Variants in PTK7 observed in about 807,000 individuals in gnomAD.
The protein encoded by PTK7 is inactive tyrosine-protein kinase 7.
Under a neutral mutation model 116.6 loss-of-function variants are expected in PTK7, and 39 were observed. That is an observed-to-expected ratio of 0.33 (90% CI 0.26 to 0.44). The LOEUF is 0.44. Ranked by LOEUF, PTK7 falls within the 20% of genes least tolerant of loss-of-function variation. PTK7 has a pLI of 1.00. For synonymous variants in PTK7, 546 were observed against 563.6 expected, an observed-to-expected ratio of 0.97 and a Z score of 0.44; for missense variants, 1,169 against 1,425.6, an observed-to-expected ratio of 0.82 and a Z score of 2.90.
chr6:43,127,678 C>T (rs1249710291), intron 1 of PTK7, among the ~76,000 whole-genome samples: 1 of 152,102 alleles, frequency 6.6e-6, no homozygotes, highest in Non-Finnish European at 1.5e-5. Flanking sequence ...GCCTGTAATC[C>T]CAGCACTTTG....
rs1770417673 is a variant in PTK7 at position 43,141,706 on chromosome 6, G to A, written c.1657G>A (p.Gly553Arg). The A allele has an allele frequency of 6.2e-7, 1 of 1,614,038 alleles. No individual in the cohort carries two copies. Among genetic ancestry groups the A allele is most frequent in the Admixed American group, 1.7e-5 (1 of 59,996 alleles). Reference sequence around the variant, plus strand: ...CCCAGAGTGGGTGACAGACAACGCTGGGACCCTGCATTTTGCCCGGGTGAC... The same window carrying A: ...CCCAGAGTGGGTGACAGACAACGCTAGGACCCTGCATTTTGCCCGGGTGAC... Reference protein sequence around the residue: ...SLPEWVTDNAGTLHFARVTRD... With the variant: ...SLPEWVTDNARTLHFARVTRD... Residue 553 changes from glycine (G) to arginine (R), a missense_variant, in exon 11 of 20, where the codon GGG (glycine) becomes AGG (arginine). This residue lies in a region of PTK7 where 678 missense variants were observed against 853.8 expected (regional missense o/e 0.79). Transcript: ENST00000230419. The surrounding 1 kb of genome is among the most constrained non-coding windows in gnomAD (Gnocchi z 4.9).
intron 1 of PTK7, among the ~76,000 whole-genome samples, chr6:43,086,712 C>G (rs1766677739): frequency 1.3e-5 from 2 of 152,098 alleles, no homozygotes; most frequent in Non-Finnish European, 2.9e-5. Flanking sequence ...TGGTGCACGC[C>G]TGTAGTCTCA....
chr6:43,076,484 C>G lies in PTK7; in HGVS notation c.-5C>G, dbSNP rs1241839528. ...CCCTCAGCTCCTTTTCCTGAGCCCGCCGCGATGGGAGCTGCGCGGGGATCC... is the reference window on the plus strand; with the variant it reads ...CCCTCAGCTCCTTTTCCTGAGCCCGGCGCGATGGGAGCTGCGCGGGGATCC... On this transcript the variant is annotated 5_prime_UTR_variant, in exon 1 of 20. Coordinates refer to ENST00000230419, the MANE Select transcript of PTK7 (RefSeq NM_002821.5). This position sits in a 1 kb window ranked among gnomAD's most constrained non-coding sequence, Gnocchi z 5.7. 32 of 1,564,336 alleles carry G rather than the reference C, an allele frequency of 2.0e-5. No individual in the cohort carries two copies. The highest frequency in any genetic ancestry group is 2.4e-5 in the Non-Finnish European group (28 of 1,161,536).
intron 1 of PTK7, among the ~76,000 whole-genome samples, chr6:43,112,237 G>A (rs1047379282): frequency 1.3e-5 from 2 of 150,130 alleles, no homozygotes; most frequent in African/African-American, 5.0e-5. Context: ...GTTGCTGCTA[G>A]CCAGTTTTAT....
At chr6:43,111,957 C>T (rs532004173) in intron 1 of PTK7, among the ~76,000 whole-genome samples, 8 of 151,920 alleles carry the variant, frequency 5.3e-5, no homozygotes, top group East Asian at 1.9e-4. Flanking sequence ...GCTGGGATTA[C>T]AGGCGTGAGC....
intron 1 of PTK7, among the ~76,000 whole-genome samples, chr6:43,079,755 T>C (rs1351373734): frequency 6.6e-6 from 1 of 151,904 alleles, no homozygotes; most frequent in Non-Finnish European, 1.5e-5. Flanking sequence ...TATGCCCAGC[T>C]TCTCCTGTAT....
chr6:43,128,186 A>G (rs1357094243), intron 1 of PTK7, among the ~76,000 whole-genome samples: 3 of 152,138 alleles, frequency 2.0e-5, no homozygotes, highest in African/African-American at 4.8e-5. Context: ...TAACTTTACT[A>G]AACCTCCTGA....
chr6:43,143,193 T>C lies in PTK7; in HGVS notation c.2048-224T>C, dbSNP rs113585070. On this transcript the variant is annotated intron_variant, in intron 13 of 19. Coordinates refer to ENST00000230419, the MANE Select transcript of PTK7 (RefSeq NM_002821.5). This position sits in a 1 kb window ranked among gnomAD's most constrained non-coding sequence, Gnocchi z 4.2. ...CCGTGTCGCCTGTCTTGGCTTCCGA[T>C]GCAAAGCCAGCTTGGGAACCCCTGG... 465 of 516,816 alleles carry C rather than the reference T, an allele frequency of 9.0e-4. 5 individuals carry two copies. Among genetic ancestry groups the C allele is most frequent in the African/African-American group, 7.6e-3 (394 of 51,804 alleles). The allele number at this position is 516,816 out of a possible 1,614,324, so 32.0% of individuals were successfully genotyped here.
chr6:43,146,538 T>C (rs1770740362), intron 16 of PTK7, 80 bp from the exon 17 acceptor site: 109 of 1,361,526 alleles, frequency 8.0e-5, no homozygotes, highest in Non-Finnish European at 1.1e-4. Context: ...GCAGGAATTC[T>C]GCGAGCACCT....
intron 1 of PTK7, among the ~76,000 whole-genome samples, chr6:43,102,222 T>C (rs764680115): frequency 2.6e-5 from 4 of 152,064 alleles, no homozygotes; most frequent in Non-Finnish European, 5.9e-5. Flanking sequence ...GTCAGGAGTT[T>C]GAGACCAGCC....
At chr6:43,116,641 T>TGCGCGC (rs1561954251) in intron 1 of PTK7, among the ~76,000 whole-genome samples, 1 of 112,912 alleles carries the variant, frequency 8.9e-6, no homozygotes, top group African/African-American at 3.5e-5. Flanking sequence ...TGTGTGTGTG[T>TGCGCGC]GTGTGTGTGT....
chr6:43,104,137 T>C (rs1265732026), intron 1 of PTK7, among the ~76,000 whole-genome samples: 1 of 152,166 alleles, frequency 6.6e-6, no homozygotes, highest in African/African-American at 2.4e-5. Flanking sequence ...CCACATGTAA[T>C]ACAGAAAATC....
At chr6:43,087,440 T>C (rs1766719109) in intron 1 of PTK7, among the ~76,000 whole-genome samples, 1 of 152,196 alleles carries the variant, frequency 6.6e-6, no homozygotes, top group African/African-American at 2.4e-5. Flanking sequence ...GTAAAGTGTG[T>C]GGGCATTCCT....
intron 10 of PTK7, among the ~76,000 whole-genome samples, chr6:43,140,294 A>T (rs1325963786): frequency 6.6e-6 from 1 of 151,942 alleles, no homozygotes; most frequent in African/African-American, 2.4e-5. Flanking sequence ...TCTACTGAAA[A>T]TACAAAAAAT....
chr6:43,079,920 G>C (rs1299725937), intron 1 of PTK7, among the ~76,000 whole-genome samples: 1 of 151,652 alleles, frequency 6.6e-6, no homozygotes, highest in Non-Finnish European at 1.5e-5. Context: ...AAATTGCCAG[G>C]CATGGTGGCA....
At chr6:43,138,826 C>G in intron 7 of PTK7, 23 bp from the exon 8 acceptor site, 2 of 1,589,150 alleles carry the variant, frequency 1.3e-6, no homozygotes, top group South Asian at 1.1e-5. Context: ...GCAGCCTTCA[C>G]TGTTTCCTTC....
At position 43,141,780 on chromosome 6, in the gene PTK7, G is replaced by A. The variant is rs1770422746; in HGVS notation, c.1731G>A (p.Gln577=). The part of the protein sequence containing the change: ...NYTCIASNGP[Q]GQIRAHVQLT... ...CTTGCATTGCCTCCAACGGGCCGCAGGGCCAGATTCGTGCCCATGTCCAGC... is the reference window on the plus strand; with the variant it reads ...CTTGCATTGCCTCCAACGGGCCGCAAGGCCAGATTCGTGCCCATGTCCAGC... Residue 577 remains glutamine, a synonymous_variant, in exon 11 of 20, where the codon CAG becomes CAA. Coordinates refer to ENST00000230419, the MANE Select transcript of PTK7 (RefSeq NM_002821.5). The surrounding 1 kb of genome is among the most constrained non-coding windows in gnomAD (Gnocchi z 4.9). 4 of 1,614,108 alleles carry A rather than the reference G, an allele frequency of 2.5e-6. No homozygotes were observed. Among genetic ancestry groups the A allele is most frequent in the Non-Finnish European group, 3.4e-6 (4 of 1,180,030 alleles).
chr6:43,135,125 G>A (rs1769949681), intron 7 of PTK7, among the ~76,000 whole-genome samples: 1 of 152,196 alleles, frequency 6.6e-6, no homozygotes. Context: ...CTCTGGCTTT[G>A]ATCAGTCATT....
chr6:43,111,562 A>G (rs980183333), intron 1 of PTK7, among the ~76,000 whole-genome samples: 3 of 152,198 alleles, frequency 2.0e-5, no homozygotes, highest in African/African-American at 7.2e-5. Context: ...AACTCACATA[A>G]TACTTCCTAT....
Sources: allele counts gnomAD v4.1 joint callset (sites outside exome capture counted in the v4.1 genomes callset), GRCh38; gene constraint gnomAD v4.1.1; regional missense constraint gnomAD v4.1.1; non-coding constraint Gnocchi (gnomAD v3.1); transcripts MANE v1.5; gene names NCBI Gene and HGNC (gene_info 2026-07-23, HGNC 2026-07-21).